The following PCSK6 variants were observed in gnomAD, a reference collection of about 807,000 sequenced individuals.
PCSK6 encodes the protein paired basic amino acid cleaving enzyme 4.
PCSK6 carries 85 observed loss-of-function variants against 123.3 expected under a neutral mutation model. That is an observed-to-expected ratio of 0.69 (90% CI 0.58 to 0.83). PCSK6 has a LOEUF of 0.83. Among genes scored for constraint, PCSK6 ranks in the 40% least tolerant of loss-of-function variants. PCSK6 has a pLI of 0.00. For synonymous variants in PCSK6, 508 were observed against 516.0 expected (o/e 0.98, Z 0.21); for missense variants, 1,191 against 1,282.3 (o/e 0.93, Z 1.09).
At chr15:101,373,743 A>G (rs968670329) in intron 11 of PCSK6, among the ~76,000 whole-genome samples, 4 of 152,266 alleles carry the variant, frequency 2.6e-5, no homozygotes, top group African/African-American at 9.6e-5. Context: ...AGTCAATGAA[A>G]AAAACAGAAG....
chr15:101,388,569 C>T (rs957866955), intron 9 of PCSK6, among the ~76,000 whole-genome samples: 4 of 152,184 alleles, frequency 2.6e-5, no homozygotes, highest in Non-Finnish European at 5.9e-5. Context: ...AGGAAGCCAG[C>T]GCAACCTAAA....
At chr15:101,308,056 G>C (rs186705212) in intron 20 of PCSK6, 7 of 152,472 alleles carry the variant, frequency 4.6e-5, no homozygotes, top group African/African-American at 1.7e-4. Context: ...AGCTGTGACA[G>C]AGGCAGTGTG....
chr15:101,479,563 C>A (rs972439087), intron 1 of PCSK6, among the ~76,000 whole-genome samples: 1 of 151,928 alleles, frequency 6.6e-6, no homozygotes, highest in Non-Finnish European at 1.5e-5. Flanking sequence ...AGAGGCTGGT[C>A]GGACAGGGCT....
chr15:101,319,632 T>A (rs868203863), intron 18 of PCSK6, among the ~76,000 whole-genome samples: 1 of 152,168 alleles, frequency 6.6e-6, no homozygotes, highest in African/African-American at 2.4e-5. Context: ...GAAGGCTGAA[T>A]TGATCACCAA....
At chr15:101,357,071 T>G (rs939261632) in intron 13 of PCSK6, among the ~76,000 whole-genome samples, 9 of 152,258 alleles carry the variant, frequency 5.9e-5, no homozygotes, top group Admixed American at 5.2e-4. Flanking sequence ...GCAGTTTTTT[T>G]CTTTTCATTT....
intron 1 of PCSK6, among the ~76,000 whole-genome samples, chr15:101,465,696 A>G (rs1484405131): frequency 2.1e-5 from 3 of 143,076 alleles, no homozygotes; most frequent in African/African-American, 7.8e-5. Context: ...CGTGAGGGGG[A>G]CATTGGTAAT....
At chr15:101,459,248 G>A (rs73483167) in intron 1 of PCSK6, among the ~76,000 whole-genome samples, 1 of 152,282 alleles carries the variant, frequency 6.6e-6, no homozygotes, top group African/African-American at 2.4e-5. Context: ...CTACGTGCCT[G>A]CACAGGGAAT....
At chr15:101,363,167 T>C (rs1174536312) in intron 13 of PCSK6, among the ~76,000 whole-genome samples, 1 of 151,982 alleles carries the variant, frequency 6.6e-6, no homozygotes, top group African/African-American at 2.4e-5. Context: ...AAGAGAAGAA[T>C]GCGTGAGATG....
At chr15:101,387,906 A>C (rs903482890) in intron 9 of PCSK6, among the ~76,000 whole-genome samples, 1 of 152,224 alleles carries the variant, frequency 6.6e-6, no homozygotes, top group Admixed American at 6.5e-5. Context: ...CAATCCTGTA[A>C]GTGTCGAGCG....
chr15:101,385,253 A>G (rs1361308294), intron 9 of PCSK6, among the ~76,000 whole-genome samples: 1 of 152,214 alleles, frequency 6.6e-6, no homozygotes, highest in Non-Finnish European at 1.5e-5. Context: ...CCTGGGTTCA[A>G]GCAATCCTCC....
At chr15:101,358,850 C>A (rs1317676351) in intron 13 of PCSK6, among the ~76,000 whole-genome samples, 1 of 152,244 alleles carries the variant, frequency 6.6e-6, no homozygotes, top group Non-Finnish European at 1.5e-5. Context: ...TGCTGAACAA[C>A]AAGCTCAGAG....
At chr15:101,337,508 T>G (rs975748197) in intron 13 of PCSK6, 3 of 152,196 alleles carry the variant, frequency 2.0e-5, no homozygotes, top group Non-Finnish European at 4.4e-5. Flanking sequence ...TAAAGAAAAA[T>G]AAAAATAAAT....
intron 1 of PCSK6, among the ~76,000 whole-genome samples, chr15:101,457,722 G>A: frequency 6.6e-6 from 1 of 152,168 alleles, no homozygotes; most frequent in East Asian, 1.9e-4. Context: ...GGGAGCCGAG[G>A]AGCTGTGCCG....
chr15:101,415,938 T>C (rs1414249947), intron 6 of PCSK6, among the ~76,000 whole-genome samples: 6 of 152,216 alleles, frequency 3.9e-5, no homozygotes, highest in Non-Finnish European at 7.3e-5. Context: ...CTTCCCAGTC[T>C]CGGGAATGTC....
intron 20 of PCSK6, among the ~76,000 whole-genome samples, chr15:101,310,598 G>A (rs1344448931): frequency 6.6e-6 from 1 of 152,238 alleles, no homozygotes; most frequent in African/African-American, 2.4e-5. Context: ...GCTGCACCTT[G>A]CAAGCGGGTG....
Position 101,323,727 on chromosome 15 carries a change from T to C in PCSK6, c.2378-1120A>G, listed in dbSNP as rs559846327. 3.7e-5 allele frequency among the ~76,000 whole-genome samples: 4 copies of C among 107,510 alleles called. No individual in the cohort carries two copies. The East Asian group carries it at 1.0e-3, about 28-fold the overall frequency. The allele number at this position is 107,510 out of a possible 152,430, so 70.5% of individuals were successfully genotyped here. A position where few individuals can be genotyped will look rare whatever the true frequency, so the allele number is the denominator to read the frequency against. ...CAGCCTGGGAGACAGTGAGACTCCA[T>C]CTCGAAAAAAAAAAAAAAAGGGGGT... On this transcript the variant is annotated intron_variant, in intron 17 of 21. Transcript: ENST00000611716.
chr15:101,439,765 C>T (rs1245434132), intron 2 of PCSK6, among the ~76,000 whole-genome samples: 1 of 152,236 alleles, frequency 6.6e-6, no homozygotes, highest in Non-Finnish European at 1.5e-5. Context: ...GGCAAAGTCC[C>T]ATCCTACAAA....
intron 1 of PCSK6, among the ~76,000 whole-genome samples, chr15:101,456,618 T>C (rs2057189056): frequency 6.6e-6 from 1 of 152,156 alleles, no homozygotes; most frequent in Non-Finnish European, 1.5e-5. Context: ...GAAACCGCTT[T>C]GCCTACCGGG....
chr15:101,468,703 C>T (rs2057527216), intron 1 of PCSK6, among the ~76,000 whole-genome samples: 1 of 152,182 alleles, frequency 6.6e-6, no homozygotes, highest in Non-Finnish European at 1.5e-5. Context: ...CCATCCACGT[C>T]CTTGATGCTG....
Sources: gnomAD v4.1 joint callset for allele counts (sites outside exome capture counted in the v4.1 genomes callset) on GRCh38, gnomAD v4.1.1 for gene constraint, MANE v1.5 for transcripts, NCBI Gene and HGNC (gene_info 2026-07-23, HGNC 2026-07-21) for gene names.